Variants in ABCD3 observed in about 807,000 individuals in gnomAD.
The protein encoded by ABCD3 is ATP-binding cassette sub-family D member 3.
Under a neutral mutation model 105.5 loss-of-function variants are expected in ABCD3, and 41 were observed. The ratio of observed to expected loss-of-function variants is 0.39; its 90% CI spans 0.30 to 0.50. The LOEUF (loss-of-function observed/expected upper bound fraction) is 0.50. Ranked by LOEUF, ABCD3 falls within the 20% of genes least tolerant of loss-of-function variation. The probability of loss-of-function intolerance (pLI) is 0.84; values close to 1 mark genes in which losing one functional copy is unlikely to be tolerated. For synonymous variants in ABCD3, 258 were observed against 269.0 expected (o/e 0.96, Z 0.40); for missense variants, 622 against 806.3 (o/e 0.77, Z 2.77).
At chr1:94,490,973 T>C (rs897573761) in intron 15 of ABCD3, among the ~76,000 whole-genome samples, 6 of 152,054 alleles carry the variant, frequency 3.9e-5, no homozygotes, top group Admixed American at 1.3e-4. Flanking sequence ...TGAGAGGTGA[T>C]GTCTCATTGT....
chr1:94,493,255 AAAC>A (rs1299797059), intron 16 of ABCD3, among the ~76,000 whole-genome samples: 1 of 151,982 alleles, frequency 6.6e-6, no homozygotes, highest in Admixed American at 6.5e-5. Flanking sequence ...TACAAGAAAA[AAAC>A]AACCCCATCA....
chr1:94,386,873 A>T, the ABCD3 span, among the ~76,000 whole-genome samples: 1 of 152,172 alleles, frequency 6.6e-6, no homozygotes, highest in Non-Finnish European at 1.5e-5. Flanking sequence ...AAATAATAAA[A>T]TAAAATAAAA....
At chr1:94,463,704 AT>A (rs1450204153) in intron 2 of ABCD3, among the ~76,000 whole-genome samples, 2 of 152,060 alleles carry the variant, frequency 1.3e-5, no homozygotes, top group African/African-American at 4.8e-5. Context: ...ATCTTTGCAA[AT>A]GGTTTAGTAC....
At chr1:94,405,651 G>C in the ABCD3 span, among the ~76,000 whole-genome samples, 1 of 152,142 alleles carries the variant, frequency 6.6e-6, no homozygotes, top group East Asian at 1.9e-4. Flanking sequence ...ACTGACTTTA[G>C]TATAGTTTAT....
chr1:94,456,680 T>TA (rs1647589434), intron 1 of ABCD3, among the ~76,000 whole-genome samples: 1 of 152,090 alleles, frequency 6.6e-6, no homozygotes, highest in Non-Finnish European at 1.5e-5. Flanking sequence ...CCATATCTCT[T>TA]ACTGTTATGA....
At chr1:94,463,858 T>G (rs2100972970) in intron 2 of ABCD3, among the ~76,000 whole-genome samples, 1 of 152,290 alleles carries the variant, frequency 6.6e-6, no homozygotes, top group African/African-American at 2.4e-5. Context: ...CCTGCCTACC[T>G]TTTAAACTTC....
At chr1:94,439,943 C>G (rs1660073153) in intron 1 of ABCD3, among the ~76,000 whole-genome samples, 2 of 152,146 alleles carry the variant, frequency 1.3e-5, no homozygotes, top group Non-Finnish European at 2.9e-5. Context: ...ATCACAGCTT[C>G]CTGCAGCCTT....
chr1:94,468,845 T>C (rs1212862262), intron 4 of ABCD3, among the ~76,000 whole-genome samples: 1 of 152,178 alleles, frequency 6.6e-6, no homozygotes, highest in African/African-American at 2.4e-5. Flanking sequence ...TTTATGACCA[T>C]GCTCTCTGAC....
intron 1 of ABCD3, among the ~76,000 whole-genome samples, chr1:94,449,558 A>C (rs1660492579): frequency 6.6e-6 from 1 of 152,238 alleles, no homozygotes; most frequent in Admixed American, 6.5e-5. Context: ...ATTTACCGTA[A>C]TGAATCTGCT....
At chr1:94,402,670 A>G in the ABCD3 span, among the ~76,000 whole-genome samples, 1 of 152,102 alleles carries the variant, frequency 6.6e-6, no homozygotes, top group Non-Finnish European at 1.5e-5. Flanking sequence ...TCTAATCTAA[A>G]ACCCCGTTTA....
At chr1:94,425,209 T>TA (rs1198981541) in intron 1 of ABCD3, among the ~76,000 whole-genome samples, 1 of 152,216 alleles carries the variant, frequency 6.6e-6, no homozygotes, top group Non-Finnish European at 1.5e-5. Context: ...TTAAGAAAAT[T>TA]AAAAATCATC....
chr1:94,387,256 G>A, the ABCD3 span, among the ~76,000 whole-genome samples: 43 of 152,154 alleles, frequency 2.8e-4, no homozygotes, highest in Non-Finnish European at 4.4e-4. Context: ...TTAACAACAG[G>A]ACTTGAGTAG....
At chr1:94,430,376 G>A (rs954819928) in intron 1 of ABCD3, among the ~76,000 whole-genome samples, 5 of 152,200 alleles carry the variant, frequency 3.3e-5, no homozygotes, top group African/African-American at 1.2e-4. Context: ...AGATTTGGGA[G>A]GGACTGGGGC....
chr1:94,466,366 A>G (rs556672058), intron 3 of ABCD3, among the ~76,000 whole-genome samples: 1 of 152,224 alleles, frequency 6.6e-6, no homozygotes, highest in South Asian at 2.1e-4. Context: ...CTGGATTATT[A>G]TATCTTAATT....
intron 7 of ABCD3, 131 bp from the exon 8 acceptor site, chr1:94,478,128 C>T: frequency 1.6e-6 from 1 of 642,326 alleles, no homozygotes; most frequent in Non-Finnish European, 2.8e-6. Flanking sequence ...GTACATTGTA[C>T]ATAGTGGGAC....
chr1:94,487,989 A>G lies in ABCD3; in HGVS notation c.1157+6A>G. On this transcript the variant is annotated splice_donor_region_variant and intron_variant, in intron 13 of 22. Coordinates refer to ENST00000370214, the MANE Select transcript of ABCD3 (RefSeq NM_002858.4). ...GAAATGACTAGATTGGCCGGGTAAG[A>G]TTAGTAATAATGAGCTGTTGCAGAA... 6.3e-7 allele frequency: 1 copy of G among 1,598,650 alleles called. No individual in the cohort carries two copies.
At chr1:94,453,170 G>A (rs1437307365) in intron 1 of ABCD3, among the ~76,000 whole-genome samples, 1 of 152,082 alleles carries the variant, frequency 6.6e-6, no homozygotes, top group East Asian at 1.9e-4. Context: ...TGTTCACTGG[G>A]GGTTTTGTTA....
chr1:94,407,057 A>C, the ABCD3 span, among the ~76,000 whole-genome samples: 5 of 151,546 alleles, frequency 3.3e-5, no homozygotes, highest in African/African-American at 4.9e-5. Context: ...ACAACAACAA[A>C]AAACCTCATA....
intron 1 of ABCD3, among the ~76,000 whole-genome samples, chr1:94,443,071 A>G (rs1330615620): frequency 3.3e-5 from 5 of 152,188 alleles, no homozygotes; most frequent in African/African-American, 1.2e-4. Flanking sequence ...GTAATAATTT[A>G]TATTCTCACC....
Sources: gnomAD v4.1 joint callset for allele counts (sites outside exome capture counted in the v4.1 genomes callset) on GRCh38, gnomAD v4.1.1 for gene constraint, MANE v1.5 for transcripts, NCBI Gene and HGNC (gene_info 2026-07-23, HGNC 2026-07-21) for gene names.